Variants in THSD7A observed in about 807,000 individuals in gnomAD.
THSD7A encodes thrombospondin type 1 domain containing 7A, also known as thrombospondin type-1 domain-containing protein 7A.
Under a neutral mutation model 231.3 loss-of-function variants are expected in THSD7A, and 96 were observed. That is an observed-to-expected ratio of 0.41 (90% CI 0.35 to 0.49). The LOEUF is 0.49. Among genes scored for constraint, THSD7A ranks in the 20% least tolerant of loss-of-function variants. THSD7A has a pLI of 0.05. For missense variants in THSD7A, 2,290 were observed against 2,070.2 expected, an observed-to-expected ratio of 1.11 and a Z score of -2.06; for synonymous variants, 940 against 743.3, an observed-to-expected ratio of 1.26 and a Z score of -4.30.
intron 1 of THSD7A, among the ~76,000 whole-genome samples, chr7:11,804,129 C>A (rs1784344544): frequency 6.6e-6 from 1 of 152,014 alleles, no homozygotes; most frequent in Non-Finnish European, 1.5e-5. Flanking sequence ...TACAACATAT[C>A]TTTTGCCTTG....
intron 19 of THSD7A, among the ~76,000 whole-genome samples, chr7:11,409,970 G>A (rs774085816): frequency 1.3e-5 from 2 of 152,076 alleles, no homozygotes; most frequent in Admixed American, 6.5e-5. Context: ...CTGAACCCCC[G>A]ACCTCAGGTG....
chr7:11,422,422 A>G (rs2023869), intron 16 of THSD7A, among the ~76,000 whole-genome samples: 62,887 of 151,884 alleles, frequency 0.41, 13,377 homozygotes, highest in African/African-American at 0.5. Context: ...ATTTAAGGGA[A>G]GTGTACTACT....
intron 23 of THSD7A, among the ~76,000 whole-genome samples, chr7:11,398,993 A>G (rs935960133): frequency 7.9e-5 from 12 of 152,198 alleles, no homozygotes; most frequent in African/African-American, 2.7e-4. Context: ...ACTAAAGGTA[A>G]TGGGACTAGG....
intron 1 of THSD7A, among the ~76,000 whole-genome samples, chr7:11,680,637 A>C (rs569988117): frequency 1.2e-4 from 18 of 152,336 alleles, no homozygotes; most frequent in African/African-American, 4.3e-4. Flanking sequence ...AATGCAAATC[A>C]AAATCACAAT....
At chr7:11,823,288 A>G (rs1041716133) in intron 1 of THSD7A, among the ~76,000 whole-genome samples, 1 of 151,914 alleles carries the variant, frequency 6.6e-6, no homozygotes, top group Admixed American at 6.6e-5. Context: ...TTTCTGGGTA[A>G]TCCATTCTAT....
intron 6 of THSD7A, among the ~76,000 whole-genome samples, chr7:11,526,156 C>G (rs1342663166): frequency 2.0e-5 from 3 of 152,136 alleles, no homozygotes; most frequent in Non-Finnish European, 2.9e-5. Flanking sequence ...CTTACCAATT[C>G]TCTCATGATC....
chr7:11,790,636 G>T (rs1187451101), intron 1 of THSD7A, among the ~76,000 whole-genome samples: 1 of 151,600 alleles, frequency 6.6e-6, no homozygotes, highest in Non-Finnish European at 1.5e-5. Flanking sequence ...GCCTAATATT[G>T]GTAAACACAT....
intron 23 of THSD7A, among the ~76,000 whole-genome samples, chr7:11,397,734 T>C (rs910930698): frequency 1.4e-4 from 22 of 151,982 alleles, no homozygotes; most frequent in African/African-American, 5.1e-4. Context: ...CATGAAAAAG[T>C]GGGCGAAGAA....
intron 1 of THSD7A, among the ~76,000 whole-genome samples, chr7:11,643,700 T>C (rs1437395686): frequency 5.9e-5 from 9 of 152,006 alleles, no homozygotes; most frequent in Non-Finnish European, 1.3e-4. Flanking sequence ...TATGTTTGCG[T>C]AGTGCTTTGT....
chr7:11,709,594 A>G (rs1269518842), intron 1 of THSD7A, among the ~76,000 whole-genome samples: 1 of 150,912 alleles, frequency 6.6e-6, no homozygotes, highest in African/African-American at 2.4e-5. Flanking sequence ...AATACCTGAT[A>G]CACTATTTTA....
chr7:11,415,700 C>T (rs1368463313), intron 17 of THSD7A, among the ~76,000 whole-genome samples: 1 of 152,196 alleles, frequency 6.6e-6, no homozygotes, highest in Non-Finnish European at 1.5e-5. Flanking sequence ...TAAGTGCCTT[C>T]CCCCATTTAA....
intron 14 of THSD7A, among the ~76,000 whole-genome samples, chr7:11,427,069 T>A (rs1297423774): frequency 6.6e-6 from 1 of 152,208 alleles, no homozygotes; most frequent in African/African-American, 2.4e-5. Context: ...TCCGTTGATT[T>A]ACCTTAATCA....
rs777121966 is a variant in THSD7A at position 11,541,658 on chromosome 7, A to G, written c.1610-27T>C. Reference sequence around the variant, plus strand: ...TGAATTATGGGGGAAGGAAAAATCTATTGTTACTATCAAAGGTTTAGTATT... The same window carrying G: ...TGAATTATGGGGGAAGGAAAAATCTGTTGTTACTATCAAAGGTTTAGTATT... On this transcript the variant is annotated intron_variant, in intron 5 of 27. Transcript: ENST00000423059. 1.9e-6 allele frequency: 3 copies of G among 1,592,030 alleles called. No individual in the cohort carries two copies. In the South Asian group the frequency reaches 3.3e-5, roughly 18 times the overall value.
At chr7:11,467,132 G>A (rs1335759599) in intron 9 of THSD7A, among the ~76,000 whole-genome samples, 1 of 152,016 alleles carries the variant, frequency 6.6e-6, no homozygotes, top group East Asian at 1.9e-4. Flanking sequence ...CAGTGGGCTG[G>A]TCGTTCCAAA....
At chr7:11,811,086 G>C (rs1243352225) in intron 1 of THSD7A, among the ~76,000 whole-genome samples, 3 of 152,140 alleles carry the variant, frequency 2.0e-5, no homozygotes, top group African/African-American at 7.2e-5. Flanking sequence ...TGTGGCATAT[G>C]ATGTTAATGT....
At chr7:11,588,612 T>C (rs560625846) in intron 4 of THSD7A, among the ~76,000 whole-genome samples, 11 of 152,244 alleles carry the variant, frequency 7.2e-5, no homozygotes, top group African/African-American at 2.4e-4. Context: ...TTAGCAGTGG[T>C]TGGGGGGAGC....
At chr7:11,518,895 C>T (rs1054901251) in intron 6 of THSD7A, among the ~76,000 whole-genome samples, 1 of 152,056 alleles carries the variant, frequency 6.6e-6, no homozygotes, top group African/African-American at 2.4e-5. Context: ...ATTCATGGAC[C>T]TTTATTGATA....
chr7:11,437,475 AT>A (rs1474613330), intron 13 of THSD7A, among the ~76,000 whole-genome samples: 3 of 151,630 alleles, frequency 2.0e-5, no homozygotes, highest in African/African-American at 7.3e-5. Flanking sequence ...TCTGTCCCTC[AT>A]CCCCTGCCTC....
intron 23 of THSD7A, among the ~76,000 whole-genome samples, chr7:11,387,806 T>G (rs1369299161): frequency 6.6e-6 from 1 of 152,170 alleles, no homozygotes; most frequent in African/African-American, 2.4e-5. Flanking sequence ...AGGGAATTCT[T>G]CCAGTTATTG....
Sources: allele counts gnomAD v4.1 joint callset (sites outside exome capture counted in the v4.1 genomes callset), GRCh38; gene constraint gnomAD v4.1.1; transcripts MANE v1.5; gene names NCBI Gene and HGNC (gene_info 2026-07-23, HGNC 2026-07-21).